HCN1: variants seen among roughly 807,000 people sequenced by gnomAD.
HCN1 encodes the protein hyperpolarization activated cyclic nucleotide gated potassium channel 1, also known as potassium/sodium hyperpolarization-activated cyclic nucleotide-gated channel 1.
A neutral mutation model predicts 78.9 loss-of-function variants in HCN1; 13 were observed. That is an observed-to-expected ratio of 0.16 (90% confidence interval 0.11 to 0.26). The LOEUF (loss-of-function observed/expected upper bound fraction) is 0.26, where lower values mean the gene tolerates loss of function less well. Ranked by LOEUF, HCN1 falls within the 10% of genes least tolerant of loss-of-function variation. HCN1 has a pLI of 1.00. For synonymous variants in HCN1, 552 were observed against 455.5 expected, an observed-to-expected ratio of 1.21 and a Z score of -2.70; for missense variants, 810 against 1,154.3, an observed-to-expected ratio of 0.70 and a Z score of 4.32.
Position 45,255,501 on chromosome 5 carries a change from TACTG to T in HCN1, c.*6416_*6419del, listed in dbSNP as rs1489747608. The T allele has an allele frequency of 6.6e-6, 1 of 152,214 alleles. No individual in the cohort carries two copies. The highest frequency in any genetic ancestry group is 1.5e-5 in the Non-Finnish European group (1 of 68,036). The allele number at this position is 152,214 out of a possible 1,614,324, so 9.4% of individuals were successfully genotyped here. ...TTCTTGTAATTATACTTCTGGGTGA[TACTG>T]ACGCTGCAGTTCCATGCACCACACT... On this transcript the variant is annotated 3_prime_UTR_variant, in exon 8 of 8. Coordinates refer to ENST00000303230, the MANE Select transcript of HCN1 (RefSeq NM_021072.4).
At chr5:45,551,809 T>C (rs188890492) in intron 2 of HCN1, among the ~76,000 whole-genome samples, 35 of 152,042 alleles carry the variant, frequency 2.3e-4, no homozygotes, top group Non-Finnish European at 1.5e-5. Context: ...TGAAGAAAAT[T>C]TTCCATCAAT....
rs1054129628 is a variant in HCN1, at chr5:45,460,480, A to T, written c.1011+1366T>A. Among the ~76,000 whole-genome samples the T allele has an allele frequency of 8.5e-5, 13 of 152,124 alleles. No individual in the cohort carries two copies. The East Asian group carries it at 9.6e-4, about 11-fold the overall frequency. ...ATAGCAGCACAAAATACACCAAGAC[A>T]CCACTGGAAATACAGGACAGAAGAG... On this transcript the variant is annotated intron_variant, in intron 3 of 7. Coordinates refer to ENST00000303230, the MANE Select transcript of HCN1 (RefSeq NM_021072.4).
chr5:45,303,998 A>T (rs1168703193), intron 5 of HCN1, among the ~76,000 whole-genome samples, 159 bp from the exon 6 acceptor site: 1 of 152,140 alleles, frequency 6.6e-6, no homozygotes, highest in African/African-American at 2.4e-5. Flanking sequence ...TACAGTCAGG[A>T]TTATGTTTTA....
At chr5:45,454,919 C>CCCAGCACA (rs1740993438) in intron 3 of HCN1, among the ~76,000 whole-genome samples, 1 of 152,042 alleles carries the variant, frequency 6.6e-6, no homozygotes, top group Non-Finnish European at 1.5e-5. Context: ...TCTCTGCCCA[C>CCCAGCACA]CCAGCACACA....
intron 6 of HCN1, among the ~76,000 whole-genome samples, chr5:45,301,936 C>A (rs995657472): frequency 6.6e-6 from 1 of 151,856 alleles, no homozygotes; most frequent in Non-Finnish European, 1.5e-5. Context: ...AAATATATAT[C>A]TGGAACATTC....
At chr5:45,373,863 T>C (rs185887504) in intron 4 of HCN1, among the ~76,000 whole-genome samples, 13,207 of 117,300 alleles carry the variant, frequency 0.11, 1,062 homozygotes, top group East Asian at 0.26. Flanking sequence ...ATATACGTCA[T>C]CTATAATATA....
intron 2 of HCN1, among the ~76,000 whole-genome samples, chr5:45,506,576 A>T (rs1263827236): frequency 6.6e-6 from 1 of 152,094 alleles, no homozygotes; most frequent in Non-Finnish European, 1.5e-5. Flanking sequence ...ATAAAAAATG[A>T]AAAACACAAA....
intron 2 of HCN1, among the ~76,000 whole-genome samples, chr5:45,553,469 A>C (rs1454289363): frequency 3.3e-5 from 5 of 151,860 alleles, no homozygotes; most frequent in African/African-American, 4.8e-5. Context: ...TTATAGACTC[A>C]AATTTATCAC....
intron 4 of HCN1, among the ~76,000 whole-genome samples, chr5:45,377,673 C>A (rs1747712148): frequency 6.6e-6 from 1 of 151,956 alleles, no homozygotes; most frequent in African/African-American, 2.4e-5. Flanking sequence ...TAAGACTCAG[C>A]AGTGTTTTAG....
At chr5:45,439,464 T>C (rs768980892) in intron 3 of HCN1, among the ~76,000 whole-genome samples, 9 of 152,214 alleles carry the variant, frequency 5.9e-5, no homozygotes, top group Non-Finnish European at 1.0e-4. Flanking sequence ...TAAGTTTTTA[T>C]CTTTTAGCAA....
intron 2 of HCN1, among the ~76,000 whole-genome samples, chr5:45,614,747 T>C (rs1457198461): frequency 6.6e-6 from 1 of 152,056 alleles, no homozygotes; most frequent in South Asian, 2.1e-4. Flanking sequence ...GCAGCAAAAT[T>C]TGATACATAT....
At chr5:45,296,720 A>G (rs1037340434) in intron 6 of HCN1, among the ~76,000 whole-genome samples, 1 of 151,892 alleles carries the variant, frequency 6.6e-6, no homozygotes, top group African/African-American at 2.4e-5. Flanking sequence ...ACTGACCAAG[A>G]AAAAAGAACG....
chr5:45,269,603 T>C (rs1317277628), intron 6 of HCN1, among the ~76,000 whole-genome samples: 1 of 152,206 alleles, frequency 6.6e-6, no homozygotes, highest in Non-Finnish European at 1.5e-5. Context: ...TTTCTCTAAA[T>C]ACCAGAATGA....
intron 1 of HCN1, among the ~76,000 whole-genome samples, chr5:45,656,812 A>T (rs543252434): frequency 2.0e-5 from 3 of 152,290 alleles, no homozygotes; most frequent in Non-Finnish European, 4.4e-5. Flanking sequence ...ATTTTCTAAA[A>T]TAATCAACCT....
At chr5:45,382,921 AACT>A (rs1747837728) in intron 4 of HCN1, among the ~76,000 whole-genome samples, 2 of 152,196 alleles carry the variant, frequency 1.3e-5, no homozygotes, top group Non-Finnish European at 2.9e-5. Context: ...GGAAAAATAT[AACT>A]ACTACACTAC....
rs1368499757 is a variant in HCN1, at chr5:45,256,705, A to G, written c.*5216T>C. The stretch of plus-strand genomic sequence containing the variant: ...CCACCTATAGTCGGGTTTTCTAAAC[A>G]CTGCAGGTATGTAAGTATATACTGG... On this transcript the variant is annotated 3_prime_UTR_variant, in exon 8 of 8. Transcript: ENST00000303230. The G allele has an allele frequency of 1.3e-5, 2 of 152,170 alleles. No homozygotes were observed. The highest frequency in any genetic ancestry group is 1.3e-4 in the Admixed American group (2 of 15,282). The allele number at this position is 152,170 out of a possible 1,614,324, so 9.4% of individuals were successfully genotyped here. A position where few individuals can be genotyped will look rare whatever the true frequency, so the allele number is the denominator to read the frequency against.
intron 2 of HCN1, among the ~76,000 whole-genome samples, chr5:45,613,005 C>T (rs922351440): frequency 1.3e-5 from 2 of 151,874 alleles, no homozygotes; most frequent in Non-Finnish European, 2.9e-5. Context: ...GGAAGGAATT[C>T]TTTTTTTTAT....
intron 3 of HCN1, among the ~76,000 whole-genome samples, chr5:45,417,562 G>A (rs909989611): frequency 4.6e-5 from 7 of 151,632 alleles, no homozygotes; most frequent in Admixed American, 4.6e-4. Context: ...AGAATACAGT[G>A]TGATATTCTT....
chr5:45,553,599 T>C (rs1254529256), intron 2 of HCN1, among the ~76,000 whole-genome samples: 2 of 151,846 alleles, frequency 1.3e-5, no homozygotes. Context: ...CCACAGATGC[T>C]CATCACTGAC....
Sources: gnomAD v4.1 joint callset for allele counts (sites outside exome capture counted in the v4.1 genomes callset) on GRCh38, gnomAD v4.1.1 for gene constraint, MANE v1.5 for transcripts, NCBI Gene and HGNC (gene_info 2026-07-23, HGNC 2026-07-21) for gene names.